The following SRGAP3 variants were observed in gnomAD, a reference collection of about 807,000 sequenced individuals.
SRGAP3 encodes SLIT-ROBO Rho GTPase activating protein 3.
A neutral mutation model predicts 121.1 loss-of-function variants in SRGAP3; 39 were observed. The ratio of observed to expected loss-of-function variants is 0.32; its 90% CI spans 0.25 to 0.42. The LOEUF is 0.42. Among genes scored for constraint, SRGAP3 ranks in the 10% least tolerant of loss-of-function variants. The pLI is 1.00. For missense variants in SRGAP3, 1,213 were observed against 1,470.6 expected, an observed-to-expected ratio of 0.82 and a Z score of 2.86; for synonymous variants, 601 against 570.0, an observed-to-expected ratio of 1.05 and a Z score of -0.77.
intron 1 of SRGAP3, among the ~76,000 whole-genome samples, chr3:9,221,825 A>T (rs1405788171): frequency 6.6e-6 from 1 of 152,198 alleles, no homozygotes; most frequent in Non-Finnish European, 1.5e-5. Context: ...CTTATTTAGT[A>T]TCTTTTCCAC....
chr3:9,041,232 T>C (rs578023097), intron 10 of SRGAP3, among the ~76,000 whole-genome samples: 1 of 152,290 alleles, frequency 6.6e-6, no homozygotes, highest in African/African-American at 2.4e-5. Context: ...CCAATCCAGG[T>C]TGCCTAACTT....
intron 1 of SRGAP3, among the ~76,000 whole-genome samples, chr3:9,205,114 C>A (rs1032440820): frequency 2.0e-5 from 3 of 152,094 alleles, no homozygotes; most frequent in African/African-American, 4.8e-5. Flanking sequence ...GATTATGATT[C>A]GAAAATGCGC....
At chr3:9,319,653 C>A (rs1955408537) in intron 3 of SRGAP3, among the ~76,000 whole-genome samples, 1 of 151,812 alleles carries the variant, frequency 6.6e-6, no homozygotes, top group Non-Finnish European at 1.5e-5. Context: ...AAATTAACTC[C>A]AAAACCAAAG....
intron 3 of SRGAP3, among the ~76,000 whole-genome samples, chr3:9,089,720 A>T (rs1262444018): frequency 1.3e-5 from 2 of 152,206 alleles, no homozygotes; most frequent in African/African-American, 4.8e-5. Flanking sequence ...CTACTAACAG[A>T]AGATGAGATG....
chr3:9,317,021 A>C (rs1955358678), intron 3 of SRGAP3, among the ~76,000 whole-genome samples: 2 of 152,204 alleles, frequency 1.3e-5, no homozygotes, highest in Admixed American at 1.3e-4. Flanking sequence ...TTCTCCTGCC[A>C]AATCAAGGCT....
At chr3:9,166,640 G>C (rs1950796197) in intron 1 of SRGAP3, among the ~76,000 whole-genome samples, 1 of 152,202 alleles carries the variant, frequency 6.6e-6, no homozygotes, top group African/African-American at 2.4e-5. Context: ...TTAAGCCAGA[G>C]AGAAATTGAC....
At chr3:9,250,720 T>C (rs1487920410), upstream of SRGAP3, among the ~76,000 whole-genome samples, 1 of 152,134 alleles carries the variant, frequency 6.6e-6, no homozygotes, top group Admixed American at 6.6e-5. Context: ...TAAGCACCAC[T>C]CTTTCACAGA....
chr3:9,362,620 T>C (rs2030955184), intron 1 of SRGAP3, among the ~76,000 whole-genome samples: 2 of 152,116 alleles, frequency 1.3e-5, no homozygotes, highest in Admixed American at 1.3e-4. Context: ...TATTTCTATT[T>C]TTTTTAAACT....
intron 9 of SRGAP3, among the ~76,000 whole-genome samples, chr3:9,048,504 G>C (rs1166179958): frequency 6.6e-6 from 1 of 152,198 alleles, no homozygotes; most frequent in Non-Finnish European, 1.5e-5. Flanking sequence ...CACTCAGTCA[G>C]GCGGTGGTGA....
chr3:9,077,566 T>G (rs2125255667), intron 4 of SRGAP3, among the ~76,000 whole-genome samples: 1 of 152,290 alleles, frequency 6.6e-6, no homozygotes, highest in East Asian at 1.9e-4. Context: ...CTTCCTCCAC[T>G]AGCTTCTGGT....
chr3:9,297,883 G>A lies in SRGAP3; in HGVS notation n.442+28127C>T, dbSNP rs1954978625. 2.0e-5 allele frequency among the ~76,000 whole-genome samples: 3 copies of A among 150,926 alleles called. No homozygotes were observed. In the South Asian group the frequency reaches 6.3e-4, roughly 32 times the overall value. Reference sequence around the variant, plus strand: ...TGCACTCTAGCCTGGGCAACAGAGTGAGACTCAGTCTCAAAAAAAAAAAAA... The same window carrying A: ...TGCACTCTAGCCTGGGCAACAGAGTAAGACTCAGTCTCAAAAAAAAAAAAA... On this transcript the variant is annotated intron_variant and non_coding_transcript_variant, in intron 3 of 3. Coordinates refer to the SRGAP3 transcript ENST00000490889.
At position 9,086,414 on chromosome 3, in the gene SRGAP3, G is replaced by A. The variant is rs114025451; in HGVS notation, c.424-6327C>T. ...GGTGGCACACACCTGTAGTCCCAAG[G>A]GAGGCTGAGTTGGGAAGATCATTTA... On this transcript the variant is annotated intron_variant, in intron 3 of 21. Transcript: ENST00000383836. Among the ~76,000 whole-genome samples the A allele has an allele frequency of 5.1e-3, 777 of 151,770 alleles. 1 individual carries two copies. The highest frequency in any genetic ancestry group is 0.017 in the African/African-American group (708 of 41,356).
chr3:9,102,607 G>A (rs887179555), intron 3 of SRGAP3, among the ~76,000 whole-genome samples: 1 of 152,228 alleles, frequency 6.6e-6, no homozygotes, highest in Admixed American at 6.5e-5. Context: ...AAGGGGCCGT[G>A]CTGTGCAAAG....
At chr3:9,220,600 T>A (rs972918873) in intron 1 of SRGAP3, among the ~76,000 whole-genome samples, 2 of 152,164 alleles carry the variant, frequency 1.3e-5, no homozygotes, top group African/African-American at 4.8e-5. Flanking sequence ...TCATTATATC[T>A]CCAAACAAGA....
chr3:9,308,973 G>A (rs750200425), intron 3 of SRGAP3, among the ~76,000 whole-genome samples: 8 of 152,134 alleles, frequency 5.3e-5, no homozygotes, highest in South Asian at 4.1e-4. Context: ...CTCATATGTC[G>A]TTCTCTCCCA....
At chr3:9,323,804 C>T (rs907301649) in intron 3 of SRGAP3, among the ~76,000 whole-genome samples, 3 of 132,636 alleles carry the variant, frequency 2.3e-5, no homozygotes, top group South Asian at 2.4e-4. Flanking sequence ...ATCTAACACA[C>T]ACACACACAC....
At chr3:9,164,035 T>C (rs1433718329) in intron 1 of SRGAP3, among the ~76,000 whole-genome samples, 3 of 147,910 alleles carry the variant, frequency 2.0e-5, no homozygotes, top group African/African-American at 7.5e-5. Context: ...TTCACTCTTG[T>C]TGCCCAGGCT....
chr3:9,342,177 C>G (rs982172403), intron 1 of SRGAP3, among the ~76,000 whole-genome samples: 3 of 152,002 alleles, frequency 2.0e-5, no homozygotes, highest in East Asian at 1.9e-4. Context: ...ATGGCAAAAC[C>G]CCATCTCTAC....
At chr3:9,069,820 C>A (rs907717912) in intron 4 of SRGAP3, among the ~76,000 whole-genome samples, 1 of 152,014 alleles carries the variant, frequency 6.6e-6, no homozygotes, top group South Asian at 2.1e-4. Flanking sequence ...GGTGGTGGGC[C>A]CCTGTACTCC....
Sources: gnomAD v4.1 joint callset for allele counts (sites outside exome capture counted in the v4.1 genomes callset) on GRCh38, gnomAD v4.1.1 for gene constraint, MANE v1.5 for transcripts, NCBI Gene and HGNC (gene_info 2026-07-23, HGNC 2026-07-21) for gene names.